Variants in KANK1 observed in about 807,000 individuals in gnomAD.
KANK1 encodes the protein KN motif and ankyrin repeat domain-containing protein 1.
A neutral mutation model predicts 106.2 loss-of-function variants in KANK1; 109 were observed. That is an observed-to-expected ratio of 1.03 (90% confidence interval 0.88 to 1.20). The LOEUF (loss-of-function observed/expected upper bound fraction) is 1.20. Ranked by LOEUF, KANK1 falls within the 50% of genes most tolerant of loss-of-function variation. The probability of loss-of-function intolerance (pLI) is 0.00; values close to 1 mark genes in which losing one functional copy is unlikely to be tolerated. For synonymous variants in KANK1, 873 were observed against 652.2 expected, an observed-to-expected ratio of 1.34 and a Z score of -5.16; for missense variants, 2,399 against 1,710.7, an observed-to-expected ratio of 1.40 and a Z score of -7.10.
chr9:594,214 T>C (rs897535265), intron 1 of KANK1, among the ~76,000 whole-genome samples: 2 of 151,916 alleles, frequency 1.3e-5, no homozygotes, highest in African/African-American at 4.9e-5. Flanking sequence ...TATCTCCTTG[T>C]TTTAGCTCTT....
intron 1 of KANK1, 37 bp from the exon 2 acceptor site, chr9:676,853 A>G (rs912658088): frequency 5.4e-6 from 4 of 737,208 alleles, no homozygotes; most frequent in East Asian, 2.6e-5. Flanking sequence ...CATTTTTTAA[A>G]TGATCCATTT....
chr9:595,507 A>G (rs1464443923), intron 1 of KANK1, among the ~76,000 whole-genome samples: 8 of 151,842 alleles, frequency 5.3e-5, no homozygotes, highest in Non-Finnish European at 5.9e-5. Context: ...ACAGTTATAC[A>G]TAAGAATTTT....
intron 1 of KANK1, among the ~76,000 whole-genome samples, chr9:544,930 G>A (rs1042621037): frequency 6.6e-6 from 1 of 152,164 alleles, no homozygotes; most frequent in Non-Finnish European, 1.5e-5. Context: ...TGAAGTGCTG[G>A]CTGGAGGAAT....
At chr9:721,002 C>T (rs1829165206) in intron 3 of KANK1, among the ~76,000 whole-genome samples, 1 of 152,144 alleles carries the variant, frequency 6.6e-6, no homozygotes, top group Non-Finnish European at 1.5e-5. Flanking sequence ...TAATTTAATT[C>T]AGTGGATCTC....
At chr9:723,345 G>C (rs1196877346) in intron 3 of KANK1, among the ~76,000 whole-genome samples, 3 of 152,188 alleles carry the variant, frequency 2.0e-5, no homozygotes, top group Admixed American at 1.3e-4. Context: ...GACACTATCT[G>C]GAAGGGGTGG....
intron 1 of KANK1, among the ~76,000 whole-genome samples, chr9:534,476 G>A (rs2060206040): frequency 6.6e-6 from 1 of 152,160 alleles, no homozygotes; most frequent in South Asian, 2.1e-4. Context: ...AGGGGAAAAT[G>A]CCGCTCTTAA....
intron 1 of KANK1, among the ~76,000 whole-genome samples, chr9:561,939 T>A (rs1227644802): frequency 3.3e-5 from 5 of 152,156 alleles, no homozygotes; most frequent in Admixed American, 3.3e-4. Flanking sequence ...CGCAATGCTG[T>A]TAGGTTGCAT....
rs141718653 is a variant in KANK1 at position 637,941 on chromosome 9, A to G, written c.-83-38949A>G. On this transcript the variant is annotated intron_variant, in intron 1 of 11. Transcript: ENST00000382297. ...GAAACCATCAGAGACTCTGGTTCCT[A>G]CTCTTTATTCCACTGTGCCATGGAC... 1.7e-3 allele frequency among the ~76,000 whole-genome samples: 256 copies of G among 152,046 alleles called. 2 individuals are homozygous for G. Among genetic ancestry groups the G allele is most frequent in the African/African-American group, 5.9e-3 (246 of 41,452 alleles).
At chr9:483,502 G>A (rs1396517604) in intron 3 of KANK1, among the ~76,000 whole-genome samples, 1 of 152,176 alleles carries the variant, frequency 6.6e-6, no homozygotes, top group Admixed American at 6.5e-5. Flanking sequence ...CCATAGGCCA[G>A]CTATGACACA....
chr9:693,424 A>G, intron 2 of KANK1: 1 of 985,436 alleles, frequency 1.0e-6, no homozygotes, highest in African/African-American at 1.7e-5. Flanking sequence ...TCTTCCTAGA[A>G]TTAACAGGCT....
At chr9:515,685 T>C (rs911724795) in intron 1 of KANK1, among the ~76,000 whole-genome samples, 1 of 151,850 alleles carries the variant, frequency 6.6e-6, no homozygotes, top group African/African-American at 2.4e-5. Context: ...TTCTATAGTT[T>C]CCAGGAATTA....
chr9:540,169 C>T (rs958379512), intron 1 of KANK1, among the ~76,000 whole-genome samples: 2 of 152,174 alleles, frequency 1.3e-5, no homozygotes, highest in African/African-American at 4.8e-5. Context: ...TAGCTACGGG[C>T]ATGCCGTATG....
At chr9:722,379 C>G (rs76574192) in intron 3 of KANK1, among the ~76,000 whole-genome samples, 1 of 152,170 alleles carries the variant, frequency 6.6e-6, no homozygotes, top group African/African-American at 2.4e-5. Context: ...CATATCTGGA[C>G]CCATCCAGAT....
chr9:715,471 A>G (rs1827430796), intron 3 of KANK1, among the ~76,000 whole-genome samples: 1 of 152,186 alleles, frequency 6.6e-6, no homozygotes, highest in African/African-American at 2.4e-5. Context: ...AGAAATATTC[A>G]GCTGTAACCC....
intron 2 of KANK1, chr9:684,415 C>T: frequency 1.0e-6 from 1 of 985,368 alleles, no homozygotes; most frequent in Non-Finnish European, 1.2e-6. Context: ...GAAAAAAACA[C>T]ATACAAAATA....
At chr9:536,899 T>G (rs544044940) in intron 1 of KANK1, among the ~76,000 whole-genome samples, 5 of 152,188 alleles carry the variant, frequency 3.3e-5, no homozygotes, top group Non-Finnish European at 7.3e-5. Flanking sequence ...AGTGTGTGGT[T>G]TCTAATCAAG....
chr9:649,685 C>T (rs1467186798), intron 1 of KANK1, among the ~76,000 whole-genome samples: 1 of 152,202 alleles, frequency 6.6e-6, no homozygotes, highest in Non-Finnish European at 1.5e-5. Context: ...GGCTTGAAGA[C>T]TGGCATTCCT....
intron 1 of KANK1, among the ~76,000 whole-genome samples, chr9:511,415 A>C (rs1191287994): frequency 6.6e-6 from 1 of 152,110 alleles, no homozygotes; most frequent in Non-Finnish European, 1.5e-5. Context: ...GGCTACTTTT[A>C]ATCTAGGATC....
chr9:650,073 C>T (rs1840549359), intron 1 of KANK1, among the ~76,000 whole-genome samples: 1 of 152,156 alleles, frequency 6.6e-6, no homozygotes, highest in Admixed American at 6.5e-5. Context: ...TCCCTACTGC[C>T]AGCATTAATA....
Sources: gnomAD v4.1 joint callset for allele counts (sites outside exome capture counted in the v4.1 genomes callset) on GRCh38, gnomAD v4.1.1 for gene constraint, MANE v1.5 for transcripts, NCBI Gene and HGNC (gene_info 2026-07-23, HGNC 2026-07-21) for gene names.